The following KLF9 variants were observed in gnomAD, a reference collection of about 807,000 sequenced individuals.
KLF9 encodes KLF transcription factor 9.
A neutral mutation model predicts 17.3 loss-of-function variants in KLF9; 2 were observed. That is an observed-to-expected ratio of 0.12 (90% CI 0.05 to 0.36). The LOEUF (loss-of-function observed/expected upper bound fraction) is 0.36. Ranked by LOEUF, KLF9 falls within the 10% of genes least tolerant of loss-of-function variation. The pLI is 1.00. For missense variants in KLF9, 226 were observed against 333.2 expected, an observed-to-expected ratio of 0.68 and a Z score of 2.51; for synonymous variants, 138 against 139.2, an observed-to-expected ratio of 0.99 and a Z score of 0.06.
intron 1 of KLF9, among the ~76,000 whole-genome samples, chr9:70,403,499 G>A (rs1236364049): frequency 6.6e-6 from 1 of 152,148 alleles, no homozygotes; most frequent in East Asian, 1.9e-4. Context: ...CAGGATATGA[G>A]TCTGGAACTG....
chr9:70,401,997 G>C (rs2037225313), intron 1 of KLF9, among the ~76,000 whole-genome samples: 1 of 151,854 alleles, frequency 6.6e-6, no homozygotes, highest in African/African-American at 2.4e-5. Flanking sequence ...CTGGGCAACA[G>C]AGCGAGACTG....
intron 1 of KLF9, among the ~76,000 whole-genome samples, chr9:70,404,581 G>A (rs2037244281): frequency 6.6e-6 from 1 of 151,976 alleles, no homozygotes; most frequent in South Asian, 2.1e-4. Context: ...CTCCAGCCTC[G>A]GTGACAGAGT....
At chr9:70,404,491 T>C (rs1389066076) in intron 1 of KLF9, among the ~76,000 whole-genome samples, 1 of 151,742 alleles carries the variant, frequency 6.6e-6, no homozygotes, top group Non-Finnish European at 1.5e-5. Flanking sequence ...GGTGGGAGGA[T>C]TGCTTGAGTA....
At position 70,414,357 on chromosome 9, in the gene KLF9, T is replaced by C. The variant is rs2037361578; in HGVS notation, c.-994A>G. On this transcript the variant is annotated 5_prime_UTR_variant, in exon 1 of 2. Coordinates refer to ENST00000377126, the MANE Select transcript of KLF9 (RefSeq NM_001206.4). Reference sequence around the variant, plus strand: ...CTTCGGTTTTCCAGCTCCCAAACAGTTAAGTGACTTCCTGCAAACGCTACA... The same window carrying C: ...CTTCGGTTTTCCAGCTCCCAAACAGCTAAGTGACTTCCTGCAAACGCTACA... 6.6e-6 allele frequency: 1 copy of C among 152,190 alleles called. No homozygotes were observed. Among genetic ancestry groups the C allele is most frequent in the South Asian group, 2.1e-4 (1 of 4,832 alleles). 9.4% of individuals were successfully genotyped at this position (152,190 alleles called of 1,614,324 possible). A position where few individuals can be genotyped will look rare whatever the true frequency, so the allele number is the denominator to read the frequency against.
At chr9:70,391,452 C>T (rs1272307300) in intron 1 of KLF9, among the ~76,000 whole-genome samples, 1 of 152,142 alleles carries the variant, frequency 6.6e-6, no homozygotes, top group African/African-American at 2.4e-5. Context: ...ATTGACCTAG[C>T]GTCCTTATCC....
At chr9:70,395,289 C>T (rs1277447032) in intron 1 of KLF9, among the ~76,000 whole-genome samples, 3 of 152,122 alleles carry the variant, frequency 2.0e-5, no homozygotes, top group African/African-American at 4.8e-5. Flanking sequence ...AAATCTTAGT[C>T]CCTACCTCAT....
intron 1 of KLF9, among the ~76,000 whole-genome samples, chr9:70,407,826 C>G (rs1463220455): frequency 6.6e-6 from 1 of 152,116 alleles, no homozygotes; most frequent in Non-Finnish European, 1.5e-5. Context: ...TATAGCAAAC[C>G]CTTGCAGCCT....
At chr9:70,407,045 A>G (rs995161025) in intron 1 of KLF9, among the ~76,000 whole-genome samples, 2 of 152,130 alleles carry the variant, frequency 1.3e-5, no homozygotes, top group African/African-American at 4.8e-5. Context: ...CAACTAGAGC[A>G]TGTCAGATTG....
chr9:70,411,409 C>T (rs2037311989), intron 1 of KLF9, among the ~76,000 whole-genome samples: 1 of 152,172 alleles, frequency 6.6e-6, no homozygotes, highest in African/African-American at 2.4e-5. Context: ...CACTAAAGGT[C>T]ACATCCCCCA....
intron 1 of KLF9, among the ~76,000 whole-genome samples, chr9:70,395,710 G>A (rs909248673): frequency 5.3e-5 from 8 of 152,082 alleles, no homozygotes; most frequent in South Asian, 2.1e-4. Flanking sequence ...TTGGGAAGTC[G>A]AGGCAGGCAG....
Position 70,389,238 on chromosome 9 carries a change from A to G in KLF9, c.506-1233T>C, listed in dbSNP as rs553540648. 2.0e-5 allele frequency among the ~76,000 whole-genome samples: 3 copies of G among 152,216 alleles called. No homozygotes were observed. The South Asian group carries it at 6.2e-4, about 32-fold the overall frequency. On this transcript the variant is annotated intron_variant, in intron 1 of 1. Coordinates refer to ENST00000377126, the MANE Select transcript of KLF9 (RefSeq NM_001206.4). ...ATGTCTTTCTTTAATCTCTTCTCCCATTTCCAAACAATTCCAGTTTCTTCT... is the reference window on the plus strand; with the variant it reads ...ATGTCTTTCTTTAATCTCTTCTCCCGTTTCCAAACAATTCCAGTTTCTTCT...
At position 70,413,480 on chromosome 9, in the gene KLF9, G is replaced by A. The variant is rs2037345503; in HGVS notation, c.-117C>T. 8.9e-7 allele frequency: 1 copy of A among 1,121,324 alleles called. No individual in the cohort carries two copies. Among genetic ancestry groups the A allele is most frequent in the South Asian group, 4.3e-5 (1 of 23,190 alleles). 69.5% of individuals were successfully genotyped at this position (1,121,324 alleles called of 1,614,324 possible). On this transcript the variant is annotated 5_prime_UTR_variant, in exon 1 of 2. Transcript: ENST00000377126. The surrounding 1 kb of genome is among the most constrained non-coding windows in gnomAD (Gnocchi z 5.6). ...GCGGCGCGGCGCGGCACGGCGCGGC[G>A]GCCAAGGGGGCGGGGGCGCGGGGCG...
At chr9:70,396,201 T>G (rs1053842545) in intron 1 of KLF9, among the ~76,000 whole-genome samples, 2 of 152,140 alleles carry the variant, frequency 1.3e-5, no homozygotes, top group Admixed American at 6.5e-5. Context: ...AATATTCTCC[T>G]GCAGATTATT....
chr9:70,410,691 C>T (rs947928283), intron 1 of KLF9, among the ~76,000 whole-genome samples: 1 of 152,142 alleles, frequency 6.6e-6, no homozygotes, highest in African/African-American at 2.4e-5. Context: ...GCCATCTCTG[C>T]CCACCTTCTT....
At chr9:70,397,597 GAACA>G (rs1043313095) in intron 1 of KLF9, among the ~76,000 whole-genome samples, 3 of 152,228 alleles carry the variant, frequency 2.0e-5, no homozygotes, top group Admixed American at 6.5e-5. Flanking sequence ...CCTCTTATAA[GAACA>G]GACAGGAACC....
chr9:70,409,945 C>T (rs1383136648), intron 1 of KLF9, among the ~76,000 whole-genome samples: 2 of 152,162 alleles, frequency 1.3e-5, no homozygotes, highest in African/African-American at 4.8e-5. Context: ...ACCACAGGAC[C>T]CAGCATTTCT....
intron 1 of KLF9, among the ~76,000 whole-genome samples, chr9:70,408,922 C>T (rs1387948715): frequency 1.3e-5 from 2 of 148,412 alleles, no homozygotes; most frequent in South Asian, 2.1e-4. Flanking sequence ...GAGCAGAAGC[C>T]GCCACTCCGG....
In KLF9 at chr9:70,413,307, C is replaced by T. The variant is rs201771668; in HGVS notation, c.57G>A (p.Ser19=). ...CATGCTCCGGCACCGCAGCGCGGTT[C>T]GAAATGGAAACCAGACACTGGGCAG... is the stretch of plus-strand genomic sequence containing the variant. ...FVAAQCLVSI[S]NRAAVPEHGV... Residue 19 remains serine, a synonymous_variant, in exon 1 of 2, where the codon TCG becomes TCA. Coordinates refer to ENST00000377126, the MANE Select transcript of KLF9 (RefSeq NM_001206.4). This position sits in a 1 kb window ranked among gnomAD's most constrained non-coding sequence, Gnocchi z 5.6. 2.3e-4 allele frequency: 362 copies of T among 1,605,926 alleles called. 2 individuals carry two copies. The East Asian group carries it at 7.7e-3, about 34-fold the overall frequency.
At chr9:70,409,180 GTATACATATACATGTATA>G (rs373627841) in intron 1 of KLF9, among the ~76,000 whole-genome samples, 72 of 72,054 alleles carry the variant, frequency 1.0e-3, no homozygotes, top group Admixed American at 2.0e-3. Flanking sequence ...GTATATATAT[GTATACATATACATGTATA>G]TGTATATATA....
Sources: gnomAD v4.1 joint callset for allele counts (sites outside exome capture counted in the v4.1 genomes callset) on GRCh38, gnomAD v4.1.1 for gene constraint, Gnocchi (gnomAD v3.1) non-coding constraint, MANE v1.5 for transcripts, NCBI Gene and HGNC (gene_info 2026-07-23, HGNC 2026-07-21) for gene names.